LRP1B: variants seen among roughly 807,000 people sequenced by gnomAD.
LRP1B encodes the protein LDL receptor related protein 1B.
LRP1B carries 217 observed loss-of-function variants against 556.6 expected under a neutral mutation model. The observed-to-expected ratio is 0.39, with a 90% CI of 0.35 to 0.44. The LOEUF (loss-of-function observed/expected upper bound fraction) is 0.44, where lower values mean the gene tolerates loss of function less well. LRP1B is among the 20% of genes least tolerant of loss of function. LRP1B has a pLI of 1.00. For synonymous variants in LRP1B, 2,047 were observed against 1,865.8 expected, an observed-to-expected ratio of 1.10 and a Z score of -2.50; for missense variants, 5,053 against 5,620.8, an observed-to-expected ratio of 0.90 and a Z score of 3.23.
intron 1 of LRP1B, among the ~76,000 whole-genome samples, chr2:142,023,785 CTTATA>C (rs1559028601): frequency 6.6e-6 from 1 of 152,130 alleles, no homozygotes; most frequent in Non-Finnish European, 1.5e-5. Context: ...ATTGTCACAT[CTTATA>C]TAAGTATAGG....
At chr2:140,984,747 T>C (rs995434899) in intron 17 of LRP1B, among the ~76,000 whole-genome samples, 1 of 152,140 alleles carries the variant, frequency 6.6e-6, no homozygotes, top group South Asian at 2.1e-4. Context: ...TGGATTATTA[T>C]AGAGTGGAAA....
At chr2:140,616,965 T>G (rs1683278279) in intron 41 of LRP1B, among the ~76,000 whole-genome samples, 1 of 151,908 alleles carries the variant, frequency 6.6e-6, no homozygotes, top group Non-Finnish European at 1.5e-5. Flanking sequence ...CTTATTTAAA[T>G]AACAATCATA....
At chr2:142,121,520 T>G (rs1707455909) in intron 1 of LRP1B, among the ~76,000 whole-genome samples, 2 of 152,096 alleles carry the variant, frequency 1.3e-5, no homozygotes, top group African/African-American at 4.8e-5. Context: ...CTCTCAAGGG[T>G]TGCATAGAAA....
intron 3 of LRP1B, among the ~76,000 whole-genome samples, chr2:141,396,002 G>C (rs747353561): frequency 2.6e-5 from 4 of 152,140 alleles, no homozygotes; most frequent in Non-Finnish European, 4.4e-5. Context: ...TGGCACTCAT[G>C]AATGATACAA....
At chr2:140,687,287 T>C (rs72981810) in intron 41 of LRP1B, among the ~76,000 whole-genome samples, 7,162 of 152,244 alleles carry the variant, frequency 0.047, 239 homozygotes, top group African/African-American at 0.092. Context: ...TGACATGCTT[T>C]TACATATCAG....
intron 7 of LRP1B, among the ~76,000 whole-genome samples, chr2:141,146,469 T>G (rs1224935793): frequency 2.0e-5 from 3 of 152,216 alleles, no homozygotes; most frequent in African/African-American, 4.8e-5. Flanking sequence ...TTACAAAGAT[T>G]AACTGGCAAT....
chr2:140,777,473 C>T (rs889860478), intron 32 of LRP1B, among the ~76,000 whole-genome samples: 14 of 152,098 alleles, frequency 9.2e-5, no homozygotes, highest in African/African-American at 3.1e-4. Context: ...GTCACAGTGT[C>T]GAATGCCTTG....
chr2:141,923,242 T>C lies in LRP1B; in HGVS notation c.83-112841A>G, dbSNP rs182458651. Among the ~76,000 whole-genome samples the C allele has an allele frequency of 2.7e-3, 409 of 151,908 alleles. 2 individuals are homozygous for C. The highest frequency in any genetic ancestry group is 3.2e-3 in the Non-Finnish European group (216 of 67,952). On this transcript the variant is annotated intron_variant, in intron 1 of 90. Transcript: ENST00000389484. ...ATATTATAACAGTTACGGAAAAATT[T>C]ATCCACAAGGGATGATGACTTGCCA...
At chr2:141,800,383 C>G (rs1409637493) in intron 2 of LRP1B, among the ~76,000 whole-genome samples, 4 of 152,184 alleles carry the variant, frequency 2.6e-5, no homozygotes, top group Non-Finnish European at 5.9e-5. Flanking sequence ...TTATTTCTAT[C>G]CCCTGTAAAA....
chr2:142,116,220 G>GAAAAAA (rs1707270339), intron 1 of LRP1B, among the ~76,000 whole-genome samples: 1 of 121,430 alleles, frequency 8.2e-6, no homozygotes, highest in Non-Finnish European at 1.7e-5. Flanking sequence ...AAAAAAGAAT[G>GAAAAAA]AGAAAGATAT....
chr2:140,277,558 G>A (rs991917016), intron 84 of LRP1B, among the ~76,000 whole-genome samples: 9 of 151,454 alleles, frequency 5.9e-5, no homozygotes, highest in Non-Finnish European at 1.0e-4. Flanking sequence ...TTGGAGTCAC[G>A]TGACATTGGA....
At chr2:140,584,299 T>C (rs1681896254) in intron 43 of LRP1B, among the ~76,000 whole-genome samples, 1 of 152,034 alleles carries the variant, frequency 6.6e-6, no homozygotes, top group South Asian at 2.1e-4. Context: ...TGCTCAATTA[T>C]TTCACCAAAG....
chr2:141,117,499 T>A (rs1291497242), intron 7 of LRP1B, among the ~76,000 whole-genome samples: 1 of 151,892 alleles, frequency 6.6e-6, no homozygotes, highest in Non-Finnish European at 1.5e-5. Flanking sequence ...ACACAAAAAT[T>A]AGAAGGTTTA....
intron 11 of LRP1B, among the ~76,000 whole-genome samples, chr2:141,039,811 G>A (rs186562842): frequency 2.6e-4 from 40 of 151,914 alleles, no homozygotes; most frequent in Non-Finnish European, 3.5e-4. Context: ...TAATCTTCTC[G>A]TATGCATGTC....
At chr2:141,339,973 C>A (rs942159784) in intron 3 of LRP1B, among the ~76,000 whole-genome samples, 1 of 152,100 alleles carries the variant, frequency 6.6e-6, no homozygotes, top group Non-Finnish European at 1.5e-5. Context: ...GTCTCTCATT[C>A]TCCTCTATAT....
At position 141,184,077 on chromosome 2, in the gene LRP1B, T is replaced by C. The variant is rs78363288; in HGVS notation, c.1013+4344A>G. Among the ~76,000 whole-genome samples the C allele has an allele frequency of 4.7e-3, 711 of 152,098 alleles. 7 individuals are homozygous for C. The highest frequency in any genetic ancestry group is 0.016 in the African/African-American group (644 of 41,536). On this transcript the variant is annotated intron_variant, in intron 7 of 90. Coordinates refer to ENST00000389484, the MANE Select transcript of LRP1B (RefSeq NM_018557.3). Reference sequence around the variant, plus strand: ...GCTCCACCCCTGACCTCAGTTACAATCCTCATTAGACCCCAATACTAAATA... The same window carrying C: ...GCTCCACCCCTGACCTCAGTTACAACCCTCATTAGACCCCAATACTAAATA...
chr2:140,752,273 A>G (rs1244915185), intron 35 of LRP1B, among the ~76,000 whole-genome samples: 1 of 152,062 alleles, frequency 6.6e-6, no homozygotes, highest in African/African-American at 2.4e-5. Flanking sequence ...CACGGAATAA[A>G]TAGAATTCTA....
chr2:141,259,531 A>T (rs1005038851), intron 3 of LRP1B, among the ~76,000 whole-genome samples: 4 of 152,128 alleles, frequency 2.6e-5, no homozygotes, highest in African/African-American at 4.8e-5. Flanking sequence ...CTCTCTGTAC[A>T]CTTGTCAGCC....
chr2:142,012,836 T>C (rs942720481), intron 1 of LRP1B, among the ~76,000 whole-genome samples: 1 of 152,202 alleles, frequency 6.6e-6, no homozygotes, highest in African/African-American at 2.4e-5. Flanking sequence ...GATCTAATAG[T>C]TTCTGTGTAA....
Sources: allele counts gnomAD v4.1 joint callset (sites outside exome capture counted in the v4.1 genomes callset), GRCh38; gene constraint gnomAD v4.1.1; transcripts MANE v1.5; gene names NCBI Gene and HGNC (gene_info 2026-07-23, HGNC 2026-07-21).